The following GALNTL6 variants were observed in gnomAD, a reference collection of about 807,000 sequenced individuals.
The protein encoded by GALNTL6 is polypeptide N-acetylgalactosaminyltransferase-like 6.
GALNTL6 carries 46 observed loss-of-function variants against 73.7 expected under a neutral mutation model. That is an observed-to-expected ratio of 0.62 (90% CI 0.49 to 0.80). The LOEUF (loss-of-function observed/expected upper bound fraction) is 0.80, where lower values mean the gene tolerates loss of function less well. Among genes scored for constraint, GALNTL6 ranks in the 30% least tolerant of loss-of-function variants. The pLI, the probability that GALNTL6 is intolerant of heterozygous loss-of-function variation, is 0.00. For missense variants in GALNTL6, 604 were observed against 755.0 expected, an observed-to-expected ratio of 0.80 and a Z score of 2.34; for synonymous variants, 259 against 263.7, an observed-to-expected ratio of 0.98 and a Z score of 0.17.
intron 7 of GALNTL6, among the ~76,000 whole-genome samples, chr4:172,831,808 G>C (rs1176072242): frequency 1.3e-5 from 2 of 152,154 alleles, no homozygotes; most frequent in Non-Finnish European, 2.9e-5. Flanking sequence ...CCTTATTGAG[G>C]GAATAAAGAG....
intron 2 of GALNTL6, among the ~76,000 whole-genome samples, chr4:171,989,346 C>T (rs1474020490): frequency 6.6e-6 from 1 of 152,138 alleles, no homozygotes; most frequent in Non-Finnish European, 1.5e-5. Flanking sequence ...GAGCCTTGGG[C>T]CAGCATTCCA....
chr4:172,328,023 CA>C (rs375365131), intron 4 of GALNTL6, among the ~76,000 whole-genome samples: 222 of 152,140 alleles, frequency 1.5e-3, no homozygotes, highest in Non-Finnish European at 2.6e-3. Context: ...TGGCTGCTAA[CA>C]ATCTTCCCTT....
intron 5 of GALNTL6, among the ~76,000 whole-genome samples, chr4:172,535,391 G>A (rs1735313533): frequency 6.6e-6 from 1 of 152,088 alleles, no homozygotes; most frequent in African/African-American, 2.4e-5. Flanking sequence ...ATAAATAAAT[G>A]AACTCATTGC....
intron 2 of GALNTL6, among the ~76,000 whole-genome samples, chr4:171,994,060 C>A (rs1212709768): frequency 1.3e-5 from 2 of 151,922 alleles, no homozygotes; most frequent in Non-Finnish European, 2.9e-5. Context: ...TGTCATTGAA[C>A]TCTCTTATGG....
intron 2 of GALNTL6, among the ~76,000 whole-genome samples, chr4:171,893,288 A>G (rs1193913330): frequency 2.0e-5 from 3 of 152,194 alleles, no homozygotes; most frequent in Non-Finnish European, 4.4e-5. Context: ...CTCATATGCA[A>G]CCTGCTTGCA....
chr4:171,923,564 AT>A (rs33929033), intron 2 of GALNTL6, among the ~76,000 whole-genome samples: 14 of 137,810 alleles, frequency 1.0e-4, no homozygotes, highest in African/African-American at 1.1e-4. Flanking sequence ...CTCCCGGCTA[AT>A]TTTTTTTTTT....
chr4:171,961,764 G>A (rs1043315662), intron 2 of GALNTL6, among the ~76,000 whole-genome samples: 1 of 152,164 alleles, frequency 6.6e-6, no homozygotes, highest in African/African-American at 2.4e-5. Flanking sequence ...AAACAAGGGG[G>A]ATGGGTAATG....
intron 2 of GALNTL6, among the ~76,000 whole-genome samples, chr4:171,873,437 A>G (rs1448386518): frequency 6.6e-6 from 1 of 152,182 alleles, no homozygotes; most frequent in Non-Finnish European, 1.5e-5. Flanking sequence ...AATCCTGCAT[A>G]ATTTGCTTTA....
At chr4:172,262,316 G>C (rs888757176) in intron 3 of GALNTL6, among the ~76,000 whole-genome samples, 2 of 151,254 alleles carry the variant, frequency 1.3e-5, no homozygotes, top group African/African-American at 4.8e-5. Flanking sequence ...CCAGTGTTAG[G>C]TGCATATATA....
intron 5 of GALNTL6, among the ~76,000 whole-genome samples, chr4:172,608,115 G>A (rs1738377925): frequency 6.6e-6 from 1 of 151,874 alleles, no homozygotes; most frequent in Admixed American, 6.6e-5. Flanking sequence ...CTTTTGCTGT[G>A]CAGAAACTCT....
chr4:173,017,901 A>G (rs1269462304), intron 11 of GALNTL6, among the ~76,000 whole-genome samples: 3 of 152,234 alleles, frequency 2.0e-5, no homozygotes, highest in East Asian at 3.8e-4. Flanking sequence ...TGATGCATTT[A>G]GTAAAATGTA....
At chr4:172,867,419 G>A (rs1006252316) in intron 7 of GALNTL6, among the ~76,000 whole-genome samples, 8 of 152,196 alleles carry the variant, frequency 5.3e-5, no homozygotes, top group African/African-American at 1.9e-4. Flanking sequence ...GGGCTGGCAG[G>A]TCTCCAGAGC....
intron 2 of GALNTL6, among the ~76,000 whole-genome samples, chr4:172,066,664 A>C: frequency 6.6e-6 from 1 of 151,986 alleles, no homozygotes; most frequent in Non-Finnish European, 1.5e-5. Flanking sequence ...AGAATGGCAG[A>C]GCCTGAGTCC....
intron 2 of GALNTL6, among the ~76,000 whole-genome samples, chr4:172,224,760 GCTTGTGTCACATCCCTGAC>G (rs1198565438): frequency 1.3e-5 from 2 of 152,096 alleles, no homozygotes; most frequent in African/African-American, 4.8e-5. Context: ...CCCAAAAGGT[GCTTGTGTCACATCCCTGAC>G]TCCAAAAGTG....
rs185262398 is a variant in GALNTL6 at position 172,426,562 on chromosome 4, G to A, written c.553+77873G>A. ...TAAAACAAGCAAAATAGAGAGGCAG[G>A]ACACAGATGCATCTAAGGAAGAGAG... On this transcript the variant is annotated intron_variant, in intron 5 of 12. Transcript: ENST00000506823. 3.5e-3 allele frequency among the ~76,000 whole-genome samples: 539 copies of A among 152,168 alleles called. 2 individuals are homozygous for A. The highest frequency in any genetic ancestry group is 5.8e-3 in the Non-Finnish European group (393 of 67,998).
intron 12 of GALNTL6, among the ~76,000 whole-genome samples, chr4:173,034,190 G>A (rs746852460): frequency 7.2e-5 from 11 of 152,090 alleles, no homozygotes; most frequent in East Asian, 3.9e-4. Flanking sequence ...CATTGGTCTC[G>A]TTTTTGCATC....
At chr4:172,358,023 G>C (rs569340712) in intron 5 of GALNTL6, among the ~76,000 whole-genome samples, 1 of 151,976 alleles carries the variant, frequency 6.6e-6, no homozygotes, top group South Asian at 2.1e-4. Context: ...ATAAATGAAA[G>C]TCTCTATGAA....
chr4:172,786,596 A>C (rs1232886636), intron 5 of GALNTL6, among the ~76,000 whole-genome samples: 2 of 152,072 alleles, frequency 1.3e-5, no homozygotes, highest in Non-Finnish European at 2.9e-5. Flanking sequence ...CCAAGTTTTC[A>C]CTCTAAAGAC....
At chr4:172,908,425 C>A (rs1476065345) in intron 8 of GALNTL6, among the ~76,000 whole-genome samples, 2 of 151,634 alleles carry the variant, frequency 1.3e-5, no homozygotes, top group African/African-American at 4.9e-5. Flanking sequence ...TTATATTATT[C>A]TGAAGATAGT....
Sources: gnomAD v4.1 joint callset for allele counts (sites outside exome capture counted in the v4.1 genomes callset) on GRCh38, gnomAD v4.1.1 for gene constraint, MANE v1.5 for transcripts, NCBI Gene and HGNC (gene_info 2026-07-23, HGNC 2026-07-21) for gene names.